TAS2R1: variants seen among roughly 807,000 people sequenced by gnomAD.
The protein encoded by TAS2R1 is taste receptor type 2 member 1.
For missense variants in TAS2R1, 370 were observed against 353.4 expected, an observed-to-expected ratio of 1.05 and a Z score of -0.38; for synonymous variants, 141 against 134.2, an observed-to-expected ratio of 1.05 and a Z score of -0.35.
At chr5:9,676,718 T>C (rs945948732) in intron 1 of TAS2R1, among the ~76,000 whole-genome samples, 13 of 152,148 alleles carry the variant, frequency 8.5e-5, no homozygotes, top group African/African-American at 3.1e-4. Flanking sequence ...TTAGATACAA[T>C]ACCAAAATGT....
chr5:9,721,647 G>A, the TAS2R1 span, among the ~76,000 whole-genome samples: 1 of 152,112 alleles, frequency 6.6e-6, no homozygotes, highest in Non-Finnish European at 1.5e-5. Flanking sequence ...ATTTTTAGTT[G>A]ACAACTGCAA....
chr5:9,881,873 A>G, the TAS2R1 span, among the ~76,000 whole-genome samples: 1 of 152,250 alleles, frequency 6.6e-6, no homozygotes, highest in Non-Finnish European at 1.5e-5. Context: ...TGGATTAAAG[A>G]CTTAAATGTA....
chr5:9,851,299 C>T, the TAS2R1 span, among the ~76,000 whole-genome samples: 3 of 152,144 alleles, frequency 2.0e-5, no homozygotes, highest in Non-Finnish European at 4.4e-5. Context: ...TGTCTGAAGG[C>T]GCATGTTGGC....
At chr5:9,722,908 A>T in the TAS2R1 span, among the ~76,000 whole-genome samples, 1 of 152,222 alleles carries the variant, frequency 6.6e-6, no homozygotes. Context: ...GGAAGTGGTC[A>T]TTTAGGCTGT....
the TAS2R1 span, among the ~76,000 whole-genome samples, chr5:9,842,316 C>CGT: frequency 1.3e-3 from 156 of 116,212 alleles, 4 homozygotes; most frequent in Middle Eastern, 5.7e-3. Context: ...TTCTTTCTCT[C>CGT]TTTTTTTTTT....
the TAS2R1 span, among the ~76,000 whole-genome samples, chr5:9,761,214 C>T: frequency 6.6e-6 from 1 of 152,060 alleles, no homozygotes; most frequent in Non-Finnish European, 1.5e-5. Context: ...AGGTTGTGAC[C>T]CAACTGAGGA....
At chr5:9,832,062 T>A in the TAS2R1 span, among the ~76,000 whole-genome samples, 2 of 152,228 alleles carry the variant, frequency 1.3e-5, no homozygotes, top group African/African-American at 2.4e-5. Context: ...TTCATCTACA[T>A]AACCTGTTAT....
intron 1 of TAS2R1, among the ~76,000 whole-genome samples, chr5:9,706,333 C>G (rs576208710): frequency 6.6e-6 from 1 of 152,294 alleles, no homozygotes; most frequent in African/African-American, 2.4e-5. Context: ...CCTGCGAAGC[C>G]ACAACCCAAA....
At chr5:9,831,757 T>C in the TAS2R1 span, among the ~76,000 whole-genome samples, 1 of 152,190 alleles carries the variant, frequency 6.6e-6, no homozygotes, top group Non-Finnish European at 1.5e-5. Flanking sequence ...GCAAAATAAT[T>C]CTTGCTTATT....
the TAS2R1 span, among the ~76,000 whole-genome samples, chr5:9,821,953 A>G: frequency 1.3e-5 from 2 of 152,182 alleles, no homozygotes; most frequent in Non-Finnish European, 2.9e-5. Context: ...CAGCCCTGGC[A>G]AATGTCACCT....
upstream of TAS2R1, among the ~76,000 whole-genome samples, chr5:9,715,796 C>T (rs1734798650): frequency 3.3e-5 from 5 of 152,184 alleles, no homozygotes; most frequent in Admixed American, 3.3e-4. Flanking sequence ...TGAGCCAGAG[C>T]ATCAAGAAGG....
chr5:9,678,698 G>A (rs1306732357), intron 1 of TAS2R1, among the ~76,000 whole-genome samples: 2 of 152,052 alleles, frequency 1.3e-5, no homozygotes, highest in Non-Finnish European at 1.5e-5. Flanking sequence ...ATCAAACACC[G>A]CATGTTCTCA....
the TAS2R1 span, among the ~76,000 whole-genome samples, chr5:9,800,036 A>G: frequency 2.0e-5 from 3 of 152,226 alleles, no homozygotes; most frequent in Non-Finnish European, 4.4e-5. Context: ...ATTTACAAGC[A>G]CACGTGGAGA....
chr5:9,629,592 A>T, downstream of TAS2R1: 1 of 1,614,196 alleles, frequency 6.2e-7, no homozygotes, highest in Middle Eastern at 1.6e-4. Context: ...TAAACCCTGC[A>T]TATTTGCTAT....
the TAS2R1 span, among the ~76,000 whole-genome samples, chr5:9,795,375 A>G: frequency 6.6e-6 from 1 of 152,168 alleles, no homozygotes; most frequent in Non-Finnish European, 1.5e-5. Flanking sequence ...AAAAGCTAAA[A>G]GCTCTTGAAC....
the TAS2R1 span, among the ~76,000 whole-genome samples, chr5:9,809,690 T>A: frequency 6.6e-6 from 1 of 152,318 alleles, no homozygotes; most frequent in African/African-American, 2.4e-5. Flanking sequence ...CTTTTCTTCA[T>A]GTCCAGCTTA....
chr5:9,799,191 C>T, the TAS2R1 span, among the ~76,000 whole-genome samples: 6 of 152,200 alleles, frequency 3.9e-5, no homozygotes, highest in African/African-American at 1.4e-4. Flanking sequence ...GACATTAAAA[C>T]TGCAACAACA....
chr5:9,680,090 G>A (rs970447562), intron 1 of TAS2R1, among the ~76,000 whole-genome samples: 2 of 152,090 alleles, frequency 1.3e-5, no homozygotes, highest in Admixed American at 1.3e-4. Context: ...AGGCACCCAG[G>A]AGCCACTGAA....
intron 1 of TAS2R1, among the ~76,000 whole-genome samples, chr5:9,683,503 A>G (rs1038176307): frequency 6.6e-6 from 1 of 152,176 alleles, no homozygotes; most frequent in Non-Finnish European, 1.5e-5. Context: ...AACACATCCT[A>G]ATGCTCAAGC....
Sources: gnomAD v4.1 joint callset for allele counts (sites outside exome capture counted in the v4.1 genomes callset) on GRCh38, gnomAD v4.1.1 for gene constraint, MANE v1.5 for transcripts, NCBI Gene and HGNC (gene_info 2026-07-23, HGNC 2026-07-21) for gene names.